The following CCDC178 variants were observed in gnomAD, a reference collection of about 807,000 sequenced individuals.
The protein encoded by CCDC178 is coiled-coil domain-containing protein 178.
CCDC178 carries 126 observed loss-of-function variants against 117.4 expected under a neutral mutation model. The ratio of observed to expected loss-of-function variants is 1.07; its 90% CI spans 0.93 to 1.24. CCDC178 has a LOEUF of 1.24. CCDC178 is among the 50% of genes most tolerant of loss of function. The pLI is 0.00. For missense variants in CCDC178, 1,030 were observed against 986.9 expected (o/e 1.04, Z -0.59); for synonymous variants, 283 against 313.4 (o/e 0.90, Z 1.02).
intron 20 of CCDC178, among the ~76,000 whole-genome samples, chr18:33,194,150 A>G (rs925413937): frequency 2.0e-5 from 3 of 151,952 alleles, no homozygotes; most frequent in Non-Finnish European, 4.4e-5. Flanking sequence ...CTAAGTAAAT[A>G]TGTATTAACC....
chr18:33,179,059 TAAAA>T (rs757037955), intron 20 of CCDC178, among the ~76,000 whole-genome samples: 3 of 14,758 alleles, frequency 2.0e-4, no homozygotes, highest in African/African-American at 4.2e-4. Flanking sequence ...AAGCACTCAG[TAAAA>T]AAAAAAAAAA....
intron 21 of CCDC178, among the ~76,000 whole-genome samples, chr18:32,979,694 A>G (rs2055107158): frequency 6.6e-6 from 1 of 152,210 alleles, no homozygotes; most frequent in Admixed American, 6.5e-5. Context: ...GTAGTCTACA[A>G]TCTCATCAGG....
chr18:33,093,970 C>A (rs188635334), intron 20 of CCDC178, among the ~76,000 whole-genome samples: 1 of 152,060 alleles, frequency 6.6e-6, no homozygotes, highest in Non-Finnish European at 1.5e-5. Flanking sequence ...ATTGCCATCA[C>A]AACAAACCCT....
At chr18:33,336,110 T>A (rs1599179682) in intron 9 of CCDC178, among the ~76,000 whole-genome samples, 1 of 152,136 alleles carries the variant, frequency 6.6e-6, no homozygotes, top group Non-Finnish European at 1.5e-5. Context: ...TTGAGATTAG[T>A]ACATTACGAA....
intron 20 of CCDC178, among the ~76,000 whole-genome samples, chr18:33,149,468 C>T (rs945938812): frequency 9.9e-5 from 15 of 152,134 alleles, no homozygotes; most frequent in Admixed American, 7.2e-4. Flanking sequence ...GAAGCCTTTC[C>T]GTATCCACAC....
intron 4 of CCDC178, 57 bp from the exon 5 acceptor site, chr18:33,389,686 A>C: frequency 1.2e-6 from 1 of 836,672 alleles, no homozygotes; most frequent in Non-Finnish European, 1.7e-6. Flanking sequence ...AGAAAATTTT[A>C]AAATAAGCAC....
chr18:33,283,250 C>T (rs1413878640), intron 12 of CCDC178, among the ~76,000 whole-genome samples: 6 of 151,988 alleles, frequency 3.9e-5, no homozygotes, highest in East Asian at 1.9e-4. Context: ...CTCCCACAAA[C>T]GAAGTCAGTC....
intron 20 of CCDC178, among the ~76,000 whole-genome samples, chr18:33,121,152 T>G (rs910724310): frequency 6.6e-6 from 1 of 152,178 alleles, no homozygotes; most frequent in Non-Finnish European, 1.5e-5. Context: ...AAATTCACTT[T>G]AAGTAAAAGA....
chr18:33,227,343 A>T (rs949774949), intron 15 of CCDC178, among the ~76,000 whole-genome samples: 13 of 150,880 alleles, frequency 8.6e-5, no homozygotes, highest in African/African-American at 2.7e-4. Context: ...ATTTGGAAAA[A>T]TCTTTTCTTT....
chr18:33,093,990 T>C (rs889550176), intron 20 of CCDC178, among the ~76,000 whole-genome samples: 10 of 152,010 alleles, frequency 6.6e-5, no homozygotes, highest in African/African-American at 2.2e-4. Flanking sequence ...TTAGTATAAG[T>C]TGTTAAAAAA....
intron 21 of CCDC178, among the ~76,000 whole-genome samples, chr18:33,090,491 C>A (rs2057446927): frequency 6.6e-6 from 1 of 152,142 alleles, no homozygotes; most frequent in South Asian, 2.1e-4. Context: ...AGAACTAAAA[C>A]CTGCATACAT....
intron 21 of CCDC178, among the ~76,000 whole-genome samples, chr18:33,065,697 C>T (rs1325404990): frequency 6.6e-6 from 1 of 152,058 alleles, no homozygotes; most frequent in Admixed American, 6.5e-5. Context: ...AAGAGAAAAG[C>T]AGCAAGTTAC....
chr18:33,120,291 A>G (rs993143807), intron 20 of CCDC178, among the ~76,000 whole-genome samples: 1 of 152,124 alleles, frequency 6.6e-6, no homozygotes, highest in Non-Finnish European at 1.5e-5. Context: ...ATCTCTCCCA[A>G]TCAACAAGCA....
intron 15 of CCDC178, among the ~76,000 whole-genome samples, chr18:33,235,393 C>A (rs1415332851): frequency 6.6e-6 from 1 of 152,006 alleles, no homozygotes; most frequent in African/African-American, 2.4e-5. Context: ...CATGAGATGT[C>A]CTGGTCCCTA....
At chr18:33,042,022 T>C (rs771625376) in intron 21 of CCDC178, among the ~76,000 whole-genome samples, 1 of 151,912 alleles carries the variant, frequency 6.6e-6, no homozygotes, top group Non-Finnish European at 1.5e-5. Context: ...AAGAATAGCG[T>C]TGGAAAAATC....
At chr18:33,257,978 GTCTTATA>G (rs1488785043) in intron 14 of CCDC178, among the ~76,000 whole-genome samples, 4 of 151,896 alleles carry the variant, frequency 2.6e-5, no homozygotes, top group Non-Finnish European at 4.4e-5. Context: ...TTTCCTTCAT[GTCTTATA>G]TCCCACCTAC....
At chr18:33,375,214 A>T (rs890088151) in intron 5 of CCDC178, among the ~76,000 whole-genome samples, 2 of 152,182 alleles carry the variant, frequency 1.3e-5, no homozygotes, top group Non-Finnish European at 2.9e-5. Flanking sequence ...TTATACTAAA[A>T]AACATTGTAG....
chr18:33,342,382 T>C (rs527705562), intron 9 of CCDC178, among the ~76,000 whole-genome samples: 2 of 152,216 alleles, frequency 1.3e-5, no homozygotes, highest in African/African-American at 2.4e-5. Context: ...CAAGATATGA[T>C]AGATATGTTG....
intron 7 of CCDC178, among the ~76,000 whole-genome samples, chr18:33,352,768 G>C (rs1244760001): frequency 5.9e-5 from 9 of 151,944 alleles, no homozygotes; most frequent in Non-Finnish European, 1.3e-4. Flanking sequence ...TATTGGGTCA[G>C]AAAAAAATAC....
Sources: gnomAD v4.1 joint callset for allele counts (sites outside exome capture counted in the v4.1 genomes callset) on GRCh38, gnomAD v4.1.1 for gene constraint, MANE v1.5 for transcripts, NCBI Gene and HGNC (gene_info 2026-07-23, HGNC 2026-07-21) for gene names.